Variants in PSMD14 observed in about 807,000 individuals in gnomAD.
PSMD14 encodes ubiquitin C-terminal hydrolase PSMD14.
PSMD14 carries 7 observed loss-of-function variants against 41.2 expected under a neutral mutation model. The ratio of observed to expected loss-of-function variants is 0.17; its 90% CI spans 0.10 to 0.32. The LOEUF is 0.32. PSMD14 is among the 10% of genes least tolerant of loss of function. PSMD14 has a pLI of 1.00. For synonymous variants in PSMD14, 114 were observed against 122.3 expected, an observed-to-expected ratio of 0.93 and a Z score of 0.45; for missense variants, 139 against 375.6, an observed-to-expected ratio of 0.37 and a Z score of 5.21.
At chr2:161,335,832 T>G (rs543234103) in intron 3 of PSMD14, among the ~76,000 whole-genome samples, 1 of 152,332 alleles carries the variant, frequency 6.6e-6, no homozygotes, top group East Asian at 1.9e-4. Flanking sequence ...CTTAGTCACT[T>G]TTTAGACATT....
chr2:161,388,749 T>A (rs936406009), intron 8 of PSMD14, among the ~76,000 whole-genome samples: 1 of 152,178 alleles, frequency 6.6e-6, no homozygotes, highest in Non-Finnish European at 1.5e-5. Flanking sequence ...TTAAGGAGCA[T>A]GAAAACTTTT....
At chr2:161,329,861 G>A (rs913207809) in intron 3 of PSMD14, among the ~76,000 whole-genome samples, 4 of 152,142 alleles carry the variant, frequency 2.6e-5, no homozygotes, top group East Asian at 1.9e-4. Flanking sequence ...CGTCATTGTA[G>A]TGTGATTATT....
intron 3 of PSMD14, among the ~76,000 whole-genome samples, chr2:161,350,633 T>C (rs1683106004): frequency 6.6e-6 from 1 of 152,176 alleles, no homozygotes; most frequent in Non-Finnish European, 1.5e-5. Flanking sequence ...GGAGAGGAGA[T>C]CTCAGATCAT....
intron 3 of PSMD14, among the ~76,000 whole-genome samples, chr2:161,329,684 T>C (rs1682757244): frequency 6.6e-6 from 1 of 152,184 alleles, no homozygotes; most frequent in Non-Finnish European, 1.5e-5. Flanking sequence ...CAAAGCAGAA[T>C]TACAAGATGC....
rs967041466 is a variant in PSMD14, at chr2:161,316,092, C to T, written c.-137-345C>T. Among the ~76,000 whole-genome samples the T allele has an allele frequency of 4.6e-5, 7 of 152,144 alleles. No homozygotes were observed. In the East Asian group the frequency reaches 9.6e-4, roughly 21 times the overall value. On this transcript the variant is annotated intron_variant, in intron 1 of 11. Transcript: ENST00000409682. ...CTCCTGACCTCAGGTGATCCGCCCG[C>T]GTTGGCCTCCCAAAGTGCTGGGATT... is the stretch of plus-strand genomic sequence containing the variant.
chr2:161,338,854 C>G (rs1574121049), intron 3 of PSMD14, among the ~76,000 whole-genome samples: 1 of 152,232 alleles, frequency 6.6e-6, no homozygotes, highest in East Asian at 1.9e-4. Context: ...TTTGCTGTCA[C>G]TATACATTAG....
chr2:161,377,776 A>G (rs1683521939), intron 7 of PSMD14, among the ~76,000 whole-genome samples: 1 of 151,884 alleles, frequency 6.6e-6, no homozygotes, highest in Non-Finnish European at 1.5e-5. Context: ...CATTACCTGT[A>G]AGAATATTAT....
intron 3 of PSMD14, among the ~76,000 whole-genome samples, chr2:161,341,855 T>A (rs547265589): frequency 7.3e-6 from 1 of 136,430 alleles, no homozygotes; most frequent in Admixed American, 7.2e-5. Context: ...AAAAAAAAAA[T>A]TAAAATTAAA....
chr2:161,331,521 G>A (rs916047320), intron 3 of PSMD14, among the ~76,000 whole-genome samples: 1 of 152,188 alleles, frequency 6.6e-6, no homozygotes, highest in Non-Finnish European at 1.5e-5. Flanking sequence ...GCCTACCAAA[G>A]TGCTGGGATT....
chr2:161,375,305 C>T (rs1217277271), intron 7 of PSMD14, among the ~76,000 whole-genome samples: 2 of 151,910 alleles, frequency 1.3e-5, no homozygotes, highest in Non-Finnish European at 1.5e-5. Context: ...CATACTGATA[C>T]AAAATATACT....
chr2:161,363,170 T>C (rs536001640), intron 3 of PSMD14, among the ~76,000 whole-genome samples: 27 of 152,218 alleles, frequency 1.8e-4, no homozygotes, highest in Non-Finnish European at 3.1e-4. Flanking sequence ...CTAGGTTGCA[T>C]GCTCCATCTA....
intron 3 of PSMD14, among the ~76,000 whole-genome samples, chr2:161,345,117 G>C (rs992436181): frequency 2.0e-5 from 3 of 151,196 alleles, no homozygotes; most frequent in African/African-American, 7.3e-5. Context: ...CACACCATTT[G>C]TTGAAAAGAC....
intron 3 of PSMD14, among the ~76,000 whole-genome samples, chr2:161,346,512 T>C (rs879786584): frequency 2.6e-5 from 4 of 151,026 alleles, no homozygotes; most frequent in Non-Finnish European, 4.4e-5. Flanking sequence ...CCATATTTTT[T>C]TTGCTGCTTT....
chr2:161,362,955 CTATTT>C (rs1452671211), intron 3 of PSMD14, among the ~76,000 whole-genome samples: 1 of 152,156 alleles, frequency 6.6e-6, no homozygotes, highest in African/African-American at 2.4e-5. Context: ...AGAAACAACT[CTATTT>C]TTTAGCTTTG....
chr2:161,341,016 T>A (rs1165506463), intron 3 of PSMD14: 7 of 1,610,026 alleles, frequency 4.3e-6, no homozygotes, highest in Non-Finnish European at 5.9e-6. Flanking sequence ...CTCCTCCGCC[T>A]CCGCTGGCGC....
chr2:161,408,681 A>T, intron 10 of PSMD14, 156 bp from the exon 11 acceptor site: 1 of 569,232 alleles, frequency 1.8e-6, no homozygotes, highest in Non-Finnish European at 3.1e-6. Flanking sequence ...CCTGAAGGTT[A>T]TTCTGAAGTT....
At chr2:161,355,866 T>A (rs757015992) in intron 3 of PSMD14, among the ~76,000 whole-genome samples, 2 of 152,234 alleles carry the variant, frequency 1.3e-5, no homozygotes, top group Non-Finnish European at 2.9e-5. Flanking sequence ...CCTATGTGAT[T>A]AAATTGTTCT....
At chr2:161,333,676 G>C (rs992661638) in intron 3 of PSMD14, among the ~76,000 whole-genome samples, 5 of 152,160 alleles carry the variant, frequency 3.3e-5, no homozygotes, top group African/African-American at 9.7e-5. Context: ...ATCATTCCCA[G>C]ACCCTTCAAC....
Position 161,359,434 on chromosome 2 carries a change from C to CA in PSMD14, c.49-8041dup, listed in dbSNP as rs554121786. On this transcript the variant is annotated intron_variant, in intron 3 of 11. Transcript: ENST00000409682. The stretch of plus-strand genomic sequence containing the variant: ...GTGTGCTGTGATTTTTAAAAAGTCT[C>CA]AAATGCTTTGTGTAACTTAGATTTC... Among the ~76,000 whole-genome samples the CA allele has an allele frequency of 3.0e-4, 46 of 152,198 alleles. No individual in the cohort carries two copies. In the South Asian group the frequency reaches 6.0e-3, roughly 20 times the overall value.
Sources: allele counts gnomAD v4.1 joint callset (sites outside exome capture counted in the v4.1 genomes callset), GRCh38; gene constraint gnomAD v4.1.1; transcripts MANE v1.5; gene names NCBI Gene and HGNC (gene_info 2026-07-23, HGNC 2026-07-21).